The following AKT2 variants were observed in gnomAD, a reference collection of about 807,000 sequenced individuals.
AKT2 encodes the protein AKT serine/threonine kinase 2.
A neutral mutation model predicts 58.6 loss-of-function variants in AKT2; 16 were observed. The observed-to-expected ratio is 0.27, with a 90% CI of 0.18 to 0.41. AKT2 has a LOEUF of 0.41. AKT2 is among the 10% of genes least tolerant of loss of function. The pLI is 1.00. For synonymous variants in AKT2, 253 were observed against 254.0 expected (o/e 1.00, Z 0.04); for missense variants, 438 against 661.0 (o/e 0.66, Z 3.70).
At chr19:40,252,666 C>T (rs1289393796) in intron 4 of AKT2, among the ~76,000 whole-genome samples, 1 of 152,210 alleles carries the variant, frequency 6.6e-6, no homozygotes, top group East Asian at 1.9e-4. Flanking sequence ...TTCCCCTCTT[C>T]CAACACTCCT....
chr19:40,233,946 T>A lies in AKT2; in HGVS notation c.1372A>T (p.Ser458Cys), dbSNP rs756547812. 1.9e-6 allele frequency: 3 copies of A among 1,611,030 alleles called. No homozygotes were observed. In the South Asian group the frequency reaches 3.3e-5, roughly 18 times the overall value. ...ITITPPDRYD[S>C]LGLLELDQRT... The stretch of plus-strand genomic sequence containing the variant: ...TGGTCCAGCTCCAGTAAGCCCAGGC[T>A]GTCATCTGTGGGCGGCAGAGGTGGA... Residue 458 changes from serine to cysteine, a missense_variant, in exon 14 of 14, where the codon AGC becomes TGC. Transcript: ENST00000392038. The surrounding 1 kb of genome is among the most constrained non-coding windows in gnomAD (Gnocchi z 4.3).
At position 40,233,406 on chromosome 19, in the gene AKT2, T is replaced by C. The variant is rs1973815357; in HGVS notation, c.*466A>G. On this transcript the variant is annotated 3_prime_UTR_variant, in exon 14 of 14. Transcript: ENST00000392038. The surrounding 1 kb of genome is among the most constrained non-coding windows in gnomAD (Gnocchi z 4.3). ...GTGGGGGATTGGACCGCCCCGTGCC[T>C]GGCCACTCCGAGCCTAGGCCACGGG... The C allele has an allele frequency of 2.1e-6, 1 of 466,578 alleles. No individual in the cohort carries two copies. Among genetic ancestry groups the C allele is most frequent in the Non-Finnish European group, 4.1e-6 (1 of 246,482 alleles). 28.9% of individuals were successfully genotyped at this position (466,578 alleles called of 1,614,324 possible). A position where few individuals can be genotyped will look rare whatever the true frequency, so the allele number is the denominator to read the frequency against.
Position 40,235,925 on chromosome 19 carries a change from C to G in AKT2, c.1140G>C (p.Leu380=). The change falls in exon 11 of 14, where the codon CTG becomes CTC. Residue 380 remains leucine (L), a synonymous_variant. Transcript: ENST00000392038. The surrounding 1 kb of genome is among the most constrained non-coding windows in gnomAD (Gnocchi z 6.3). ...GGTCCTTCTTAAGCAGCCCAGCAAGCAGGGACTTGGCCTCGGGGCTGAGCG... is the reference window on the plus strand; with the variant it reads ...GGTCCTTCTTAAGCAGCCCAGCAAGGAGGGACTTGGCCTCGGGGCTGAGCG... ...PRTLSPEAKS[L]LAGLLKKDPK... 6.2e-7 allele frequency: 1 copy of G among 1,613,428 alleles called. No individual in the cohort carries two copies. The highest frequency in any genetic ancestry group is 8.5e-7 in the Non-Finnish European group (1 of 1,179,990).
chr19:40,265,422 G>C (rs1450592185), intron 1 of AKT2, 71 bp from the exon 2 acceptor site: 3 of 1,515,176 alleles, frequency 2.0e-6, no homozygotes, highest in South Asian at 2.4e-5. Flanking sequence ...GAGGACGCCG[G>C]GCTCTGAGGC....
chr19:40,245,130 C>A (rs763600187), intron 4 of AKT2, among the ~76,000 whole-genome samples: 1 of 152,146 alleles, frequency 6.6e-6, no homozygotes, highest in Non-Finnish European at 1.5e-5. Context: ...CACAGGCTGT[C>A]GTGAGGTAGA....
chr19:40,248,329 G>C (rs947245147), intron 4 of AKT2, among the ~76,000 whole-genome samples: 2 of 152,246 alleles, frequency 1.3e-5, no homozygotes, highest in Non-Finnish European at 2.9e-5. Flanking sequence ...CAAATGTGGA[G>C]CATTTCTGTG....
chr19:40,237,231 G>C lies in AKT2; in HGVS notation c.831+738C>G, dbSNP rs188273239. 13 of 154,214 alleles carry C rather than the reference G, an allele frequency of 8.4e-5. No individual in the cohort carries two copies. Among genetic ancestry groups the C allele is most frequent in the African/African-American group, 2.9e-4 (12 of 41,580 alleles). The allele number at this position is 154,214 out of a possible 1,614,324, so 9.6% of individuals were successfully genotyped here. A position where few individuals can be genotyped will look rare whatever the true frequency, so the allele number is the denominator to read the frequency against. ...ACTTGGGTTGTTCCAGTTGGGGCTA[G>C]AGTAAGTCCTGCTGCTGAGTGAGGG... On this transcript the variant is annotated intron_variant, in intron 9 of 13. Transcript: ENST00000392038. This position sits in a 1 kb window ranked among gnomAD's most constrained non-coding sequence, Gnocchi z 4.5.
In AKT2 at chr19:40,242,664, T is replaced by C. The variant is rs1260732312; in HGVS notation, c.311A>G (p.Gln104Arg). The C allele has an allele frequency of 6.2e-7, 1 of 1,612,274 alleles. No homozygotes were observed. The highest frequency in any genetic ancestry group is 1.7e-5 in the Admixed American group (1 of 60,024). ...CTGCTTGAGGCTGTTGGCGACCATCTGGATGGCCCGCATCCACTCCTCCCT... is the reference window on the plus strand; with the variant it reads ...CTGCTTGAGGCTGTTGGCGACCATCCGGATGGCCCGCATCCACTCCTCCCT... ...DEREEWMRAI[Q>R]MVANSLKQRA... The change falls in exon 5 of 14, where the codon CAG (glutamine) becomes CGG (arginine). Residue 104 changes from glutamine (Q) to arginine (R), a missense_variant. Transcript: ENST00000392038. This position sits in a 1 kb window ranked among gnomAD's most constrained non-coding sequence, Gnocchi z 4.3.
intron 6 of AKT2, chr19:40,240,444 G>A: frequency 1.9e-6 from 1 of 526,576 alleles, no homozygotes; most frequent in East Asian, 4.1e-5. Context: ...GCTGTGGGAA[G>A]TCCCACCTAG....
intron 3 of AKT2, among the ~76,000 whole-genome samples, chr19:40,256,384 A>C (rs558593705): frequency 3.7e-4 from 56 of 152,308 alleles, no homozygotes; most frequent in African/African-American, 1.3e-3. Context: ...GCAAGGAAGG[A>C]AGGCGGCAGA....
intron 9 of AKT2, 48 bp from the exon 10 acceptor site, chr19:40,236,433 T>C (rs746072110): frequency 1.2e-6 from 2 of 1,613,034 alleles, no homozygotes; most frequent in South Asian, 2.2e-5. Flanking sequence ...CAAGGCTTCC[T>C]GCCACCCCAG....
At chr19:40,266,245 G>T (rs1976343747) in intron 1 of AKT2, 1 of 152,368 alleles carries the variant, frequency 6.6e-6, no homozygotes, top group Non-Finnish European at 1.5e-5. Flanking sequence ...AGAGACCAAG[G>T]CGCCTTTGCC....
intron 1 of AKT2, among the ~76,000 whole-genome samples, chr19:40,273,910 CA>C (rs1342365440): frequency 6.6e-6 from 1 of 152,152 alleles, no homozygotes; most frequent in Non-Finnish European, 1.5e-5. Context: ...TGGAGGCTGC[CA>C]GGGGCCATCT....
In AKT2 at chr19:40,242,797, C is replaced by T. The variant is rs1974496231; in HGVS notation, c.288-110G>A. 1.6e-6 allele frequency: 2 copies of T among 1,252,696 alleles called. No individual in the cohort carries two copies. The highest frequency in any genetic ancestry group is 1.3e-5 in the South Asian group (1 of 78,896). The allele number at this position is 1,252,696 out of a possible 1,614,324, so 77.6% of individuals were successfully genotyped here. On this transcript the variant is annotated intron_variant, in intron 4 of 13. Transcript: ENST00000392038. This position sits in a 1 kb window ranked among gnomAD's most constrained non-coding sequence, Gnocchi z 4.3. ...CCAGCAACAGGCAAGCAAATGACCA[C>T]ATAACCATGGGAATTTGGGCAAGAT...
At chr19:40,250,230 C>T (rs538690931) in intron 4 of AKT2, among the ~76,000 whole-genome samples, 3 of 152,272 alleles carry the variant, frequency 2.0e-5, no homozygotes, top group South Asian at 2.1e-4. Context: ...AGGCCAGGCA[C>T]GGTGGCTCAC....
At chr19:40,280,513 A>G (rs2077405054) in intron 1 of AKT2, among the ~76,000 whole-genome samples, 1 of 152,050 alleles carries the variant, frequency 6.6e-6, no homozygotes, top group South Asian at 2.1e-4. Context: ...GTCACCTGCT[A>G]ACACCCTGAA....
At chr19:40,236,222 C>A (rs780903001) in intron 10 of AKT2, 35 bp downstream of exon 10, 13 of 1,613,336 alleles carry the variant, frequency 8.1e-6, no homozygotes, top group Middle Eastern at 1.8e-4. Context: ...CTACCCTTGG[C>A]CTCACACGTT....
intron 7 of AKT2, chr19:40,239,632 A>T (rs1380151557): frequency 2.7e-6 from 1 of 364,768 alleles, no homozygotes; most frequent in African/African-American, 2.1e-5. Context: ...ACTGCAGCCC[A>T]AACAGGCATC....
At chr19:40,281,473 C>T (rs2077422697) in intron 1 of AKT2, among the ~76,000 whole-genome samples, 1 of 151,790 alleles carries the variant, frequency 6.6e-6, no homozygotes, top group Non-Finnish European at 1.5e-5. Flanking sequence ...GCCTGGGTGA[C>T]AGAGGGAGGC....
Sources: allele counts gnomAD v4.1 joint callset (sites outside exome capture counted in the v4.1 genomes callset), GRCh38; gene constraint gnomAD v4.1.1; non-coding constraint Gnocchi (gnomAD v3.1); transcripts MANE v1.5; gene names NCBI Gene and HGNC (gene_info 2026-07-23, HGNC 2026-07-21).